The following ZNF131 variants were observed in gnomAD, a reference collection of about 807,000 sequenced individuals.
ZNF131 encodes the protein zinc finger and BTB domain containing 35, also known as zinc finger protein 131.
A neutral mutation model predicts 60.0 loss-of-function variants in ZNF131; 7 were observed. The observed-to-expected ratio is 0.12, with a 90% CI of 0.07 to 0.22. ZNF131 has a LOEUF of 0.22. ZNF131 is among the 10% of genes least tolerant of loss of function. ZNF131 has a pLI of 1.00. For synonymous variants in ZNF131, 257 were observed against 253.2 expected (o/e 1.01, Z -0.14); for missense variants, 493 against 740.9 (o/e 0.67, Z 3.88).
chr5:43,161,230 C>G lies in ZNF131; in HGVS notation c.372-19C>G. 1 of 1,566,258 alleles carries G rather than the reference C, an allele frequency of 6.4e-7. No homozygotes were observed. ...GATCTTCTTATAGATTTTTTAAACC[C>G]CTACATTATGTATTTCAGGAACAAA... On this transcript the variant is annotated intron_variant, in intron 4 of 6. Transcript: ENST00000682664.
At chr5:43,152,374 G>A (rs1489822223) in intron 4 of ZNF131, among the ~76,000 whole-genome samples, 1 of 152,160 alleles carries the variant, frequency 6.6e-6, no homozygotes, top group Non-Finnish European at 1.5e-5. Context: ...CTCATGGACT[G>A]ATCTCAGCTA....
chr5:43,157,092 T>C (rs567058089), intron 4 of ZNF131, among the ~76,000 whole-genome samples: 2 of 152,208 alleles, frequency 1.3e-5, no homozygotes, highest in Non-Finnish European at 2.9e-5. Context: ...CAGTATCTTA[T>C]CTATGGTTTC....
At chr5:43,142,392 T>TC (rs1250017139) in intron 4 of ZNF131, among the ~76,000 whole-genome samples, 11 of 119,472 alleles carry the variant, frequency 9.2e-5, no homozygotes, top group Non-Finnish European at 1.5e-4. Context: ...AACCACCGCC[T>TC]CCCCCGGGTT....
At position 43,141,274 on chromosome 5, in the gene ZNF131, A is replaced by T. The variant is rs73751042; in HGVS notation, c.371+1965A>T. Among the ~76,000 whole-genome samples the T allele has an allele frequency of 8.4e-3, 1,286 of 152,302 alleles. 20 individuals carry two copies. Among genetic ancestry groups the T allele is most frequent in the African/African-American group, 0.029 (1,195 of 41,554 alleles). On this transcript the variant is annotated intron_variant, in intron 4 of 6. Coordinates refer to ENST00000682664, the MANE Select transcript of ZNF131 (RefSeq NM_001330707.2). ...CTCTTGCAGAGAGACCTGAGCATGG[A>T]TGTCAAAATAGAGATGCATTCTGAG...
intron 4 of ZNF131, among the ~76,000 whole-genome samples, chr5:43,154,565 A>C (rs1300718879): frequency 6.6e-6 from 1 of 152,208 alleles, no homozygotes; most frequent in South Asian, 2.1e-4. Flanking sequence ...AGACAAGCAG[A>C]CCAAGTTGTA....
chr5:43,141,026 A>T (rs2112268413), intron 4 of ZNF131, among the ~76,000 whole-genome samples: 1 of 152,136 alleles, frequency 6.6e-6, no homozygotes, highest in African/African-American at 2.4e-5. Flanking sequence ...GCCGAATAAA[A>T]GTTTTTTTTT....
At chr5:43,130,773 T>G (rs568613907) in intron 3 of ZNF131, among the ~76,000 whole-genome samples, 1 of 151,464 alleles carries the variant, frequency 6.6e-6, no homozygotes, top group Non-Finnish European at 1.5e-5. Flanking sequence ...TCCATGTTGG[T>G]CAGGCTGATC....
rs1205635519 is a variant in ZNF131, at chr5:43,162,969, C to CTTTTTTTT, written c.1054+1049_1054+1056dup. On this transcript the variant is annotated intron_variant, in intron 5 of 6. Coordinates refer to ENST00000682664, the MANE Select transcript of ZNF131 (RefSeq NM_001330707.2). The stretch of plus-strand genomic sequence containing the variant: ...TTTATACTTCTTTTCTTTTATTTGC[C>CTTTTTTTT]TTTTTTTTTTTTTTTTTTGGCAGAT... Among the ~76,000 whole-genome samples the CTTTTTTTT allele has an allele frequency of 2.4e-3, 154 of 64,896 alleles. 14 individuals carry two copies. The highest frequency in any genetic ancestry group is 7.4e-3 in the African/African-American group (147 of 19,746). 42.6% of individuals were successfully genotyped at this position (64,896 alleles called of 152,430 possible).
intron 4 of ZNF131, among the ~76,000 whole-genome samples, chr5:43,153,463 T>TA (rs35596507): frequency 0.048 from 2,914 of 61,168 alleles, 338 homozygotes; most frequent in African/African-American, 0.15. Flanking sequence ...CCATCTCTAC[T>TA]AAAAAAAAAA....
intron 3 of ZNF131, among the ~76,000 whole-genome samples, chr5:43,135,616 G>T (rs1418049325): frequency 6.6e-6 from 1 of 152,068 alleles, no homozygotes; most frequent in East Asian, 1.9e-4. Flanking sequence ...AGCTGGTTAT[G>T]GTGGCCCATT....
At chr5:43,122,205 A>C in intron 2 of ZNF131, 28 bp downstream of exon 2, 1 of 1,571,864 alleles carries the variant, frequency 6.4e-7, no homozygotes, top group South Asian at 1.2e-5. Flanking sequence ...CAGAGGAGCG[A>C]ATTTTTGGCT....
chr5:43,132,471 A>G (rs563636774), intron 3 of ZNF131, among the ~76,000 whole-genome samples: 1 of 151,614 alleles, frequency 6.6e-6, no homozygotes, highest in Non-Finnish European at 1.5e-5. Flanking sequence ...AGCTGTGAGT[A>G]AAACATGAAA....
intron 3 of ZNF131, among the ~76,000 whole-genome samples, chr5:43,137,075 G>A (rs770142631): frequency 6.6e-6 from 1 of 152,080 alleles, no homozygotes. Context: ...AAATGAATTG[G>A]AGACTTAGAC....
At chr5:43,156,008 G>A (rs1415224054) in intron 4 of ZNF131, among the ~76,000 whole-genome samples, 10 of 152,130 alleles carry the variant, frequency 6.6e-5, no homozygotes, top group South Asian at 6.2e-4. Context: ...CACCACTAGC[G>A]GCAAATGTCA....
chr5:43,121,830 T>C (rs1743869876), intron 1 of ZNF131: 1 of 423,834 alleles, frequency 2.4e-6, no homozygotes, highest in Non-Finnish European at 4.2e-6. Flanking sequence ...TCCAATTAGG[T>C]CAGGCTCGGA....
At position 43,175,716 on chromosome 5, in the gene ZNF131, T is replaced by G; in HGVS notation, c.*583T>G. 5.8e-6 allele frequency: 1 copy of G among 172,896 alleles called. No individual in the cohort carries two copies. 10.7% of individuals were successfully genotyped at this position (172,896 alleles called of 1,614,324 possible). Reference sequence around the variant, plus strand: ...AGTGGTGGTGGCAAAATTTCTAGAATGTTAAAAAAAAAAAAAAATCCACAC... The same window carrying G: ...AGTGGTGGTGGCAAAATTTCTAGAAGGTTAAAAAAAAAAAAAAATCCACAC... On this transcript the variant is annotated 3_prime_UTR_variant, in exon 7 of 7. Coordinates refer to ENST00000682664, the MANE Select transcript of ZNF131 (RefSeq NM_001330707.2).
intron 3 of ZNF131, among the ~76,000 whole-genome samples, chr5:43,134,700 T>TTC (rs1554064587): frequency 1.2e-4 from 17 of 142,144 alleles, no homozygotes; most frequent in African/African-American, 4.4e-4. Context: ...TTTCTTTTTT[T>TTC]TTTTTTTTTT....
rs146625914 is a variant in ZNF131, at chr5:43,122,993, G to A, written c.125-216G>A. The stretch of plus-strand genomic sequence containing the variant: ...GTAAATTAGGCTTTATAAAACTAAA[G>A]GGGTTTGAAGTGAAGATTTAGCTTT... On this transcript the variant is annotated intron_variant, in intron 2 of 6. Coordinates refer to ENST00000682664, the MANE Select transcript of ZNF131 (RefSeq NM_001330707.2). Among the ~76,000 whole-genome samples the A allele has an allele frequency of 7.5e-4, 114 of 152,290 alleles. No homozygotes were observed. The East Asian group carries it at 0.019, about 26-fold the overall frequency.
At chr5:43,122,245 C>G (rs1269775963) in intron 2 of ZNF131, 68 bp downstream of exon 2, 3 of 1,388,342 alleles carry the variant, frequency 2.2e-6, no homozygotes, top group African/African-American at 3.1e-5. Context: ...CGGACACCCG[C>G]CTTTTTTTTT....
Sources: gnomAD v4.1 joint callset for allele counts (sites outside exome capture counted in the v4.1 genomes callset) on GRCh38, gnomAD v4.1.1 for gene constraint, MANE v1.5 for transcripts, NCBI Gene and HGNC (gene_info 2026-07-23, HGNC 2026-07-21) for gene names.